Variants in TRIM31 observed in about 807,000 individuals in gnomAD.
TRIM31 encodes E3 ubiquitin-protein ligase TRIM31.
A neutral mutation model predicts 40.6 loss-of-function variants in TRIM31; 31 were observed. The observed-to-expected ratio is 0.76, with a 90% confidence interval of 0.57 to 1.03. TRIM31 has a LOEUF of 1.03. Among genes scored for constraint, TRIM31 ranks in the 50% least tolerant of loss-of-function variants. The probability of loss-of-function intolerance (pLI) is 0.00; values close to 1 mark genes in which losing one functional copy is unlikely to be tolerated. For synonymous variants in TRIM31, 164 were observed against 193.9 expected (o/e 0.85, Z 1.28); for missense variants, 455 against 497.5 (o/e 0.91, Z 0.81).
chr6:30,111,030 C>CTTTTTTTTTTTTTTTTTTT lies in TRIM31; in HGVS notation c.514-371_514-353dup, dbSNP rs9278578. 1.3e-3 allele frequency among the ~76,000 whole-genome samples: 154 copies of CTTTTTTTTTTTTTTTTTTT among 114,282 alleles called. 6 individuals carry two copies. Among genetic ancestry groups the CTTTTTTTTTTTTTTTTTTT allele is most frequent in the South Asian group, 3.7e-3 (12 of 3,220 alleles). The allele number at this position is 114,282 out of a possible 152,430, so 75.0% of individuals were successfully genotyped here. A position where few individuals can be genotyped will look rare whatever the true frequency, so the allele number is the denominator to read the frequency against. On this transcript the variant is annotated intron_variant, in intron 3 of 8. Transcript: ENST00000376734. ...CACAATGTCTTCATTTTCCTTCTGT[C>CTTTTTTTTTTTTTTTTTTT]TTTTTTTTTTTTTTTTTTTGAGACA...
intron 2 of TRIM31, 110 bp from the exon 3 acceptor site, chr6:30,111,853 T>C (rs1769365032): frequency 9.9e-7 from 1 of 1,006,722 alleles, no homozygotes; most frequent in Admixed American, 2.1e-5. Context: ...AGTCCTTGTG[T>C]AATTATTAAG....
At chr6:30,109,196 C>A (rs1582501619) in intron 4 of TRIM31, 148 bp from the exon 5 acceptor site, 1 of 755,784 alleles carries the variant, frequency 1.3e-6, no homozygotes, top group East Asian at 2.6e-5. Context: ...CTCCCCTCTC[C>A]CCACCACGAA....
chr6:30,109,371 G>A (rs1769067640), intron 4 of TRIM31, among the ~76,000 whole-genome samples: 2 of 152,178 alleles, frequency 1.3e-5, no homozygotes, highest in Admixed American at 6.5e-5. Flanking sequence ...GAATGGCTTT[G>A]CATGATCTTT....
intron 5 of TRIM31, 135 bp from the exon 6 acceptor site, chr6:30,108,303 A>T (rs550030182): frequency 1.5e-6 from 1 of 657,528 alleles, no homozygotes; most frequent in Non-Finnish European, 2.7e-6. Flanking sequence ...TCACACCTGT[A>T]ATCCCAGCAC....
intron 7 of TRIM31, 54 bp from the exon 8 acceptor site, chr6:30,104,221 T>A: frequency 6.3e-7 from 1 of 1,583,342 alleles, no homozygotes; most frequent in Admixed American, 1.7e-5. Flanking sequence ...AAGCTGCAAA[T>A]TAAAAACAAA....
At chr6:30,106,909 A>G (rs1768767792) in intron 6 of TRIM31, among the ~76,000 whole-genome samples, 1 of 152,080 alleles carries the variant, frequency 6.6e-6, no homozygotes, top group Admixed American at 6.5e-5. Flanking sequence ...GACCAGCTTG[A>G]CCAACCTGGT....
chr6:30,111,503 C>A, intron 3 of TRIM31, 145 bp downstream of exon 3: 1 of 756,882 alleles, frequency 1.3e-6, no homozygotes, highest in Admixed American at 2.6e-5. Context: ...GAGGTGATGC[C>A]GCCTGGCCGG....
In TRIM31 at chr6:30,112,439, G is replaced by T. The variant is rs368780137; in HGVS notation, c.367C>A (p.His123Asn). The T allele has an allele frequency of 3.7e-6, 6 of 1,612,916 alleles. No homozygotes were observed. In the South Asian group the frequency reaches 4.4e-5, roughly 12 times the overall value. ...LCFVCRESKD[H>N]KSHNVSLIEE... ...ATCAAGCTGACATTATGGGATTTGT[G>T]GTCCTTGGATTCACGACACACAAAA... The change falls in exon 2 of 9, where the codon CAC becomes AAC. Residue 123 changes from histidine to asparagine, a missense_variant. Coordinates refer to ENST00000376734, the MANE Select transcript of TRIM31 (RefSeq NM_007028.5).
chr6:30,109,021 C>A lies in TRIM31; in HGVS notation c.767+5G>T, dbSNP rs370511531. 15 of 1,612,980 alleles carry A rather than the reference C, an allele frequency of 9.3e-6. No homozygotes were observed. The highest frequency in any genetic ancestry group is 8.5e-6 in the Non-Finnish European group (10 of 1,179,990). On this transcript the variant is annotated splice_donor_5th_base_variant and intron_variant, in intron 5 of 8. Coordinates refer to ENST00000376734, the MANE Select transcript of TRIM31 (RefSeq NM_007028.5). ...GCAAAATACATTTGGGGTGGCCCAT[C>A]ATACCTGCACAAGACGACTTTGATA...
chr6:30,111,938 G>C (rs1208796012), intron 2 of TRIM31, 195 bp from the exon 3 acceptor site: 4 of 611,852 alleles, frequency 6.5e-6, no homozygotes, highest in Non-Finnish European at 1.2e-5. Context: ...TGACCTAAAT[G>C]ACCAGAACAT....
At position 30,111,645 on chromosome 6, in the gene TRIM31, T is replaced by C. The variant is rs201869087; in HGVS notation, c.513+3A>G. 5,389 of 1,613,802 alleles carry C rather than the reference T, an allele frequency of 3.3e-3. 22 individuals carry two copies. Among genetic ancestry groups the C allele is most frequent in the Middle Eastern group, 8.9e-3 (54 of 6,062 alleles). On this transcript the variant is annotated splice_donor_region_variant and intron_variant, in intron 3 of 8. Transcript: ENST00000376734. ...AGAGATCGTGGGATGGAGTTTTTCT[T>C]ACCGTGAAGACATCGACCCTGTGTA...
intron 8 of TRIM31, 54 bp from the exon 9 acceptor site, chr6:30,103,843 A>G: frequency 6.2e-7 from 1 of 1,608,052 alleles, no homozygotes; most frequent in Non-Finnish European, 8.5e-7. Flanking sequence ...CTCGGCAGCA[A>G]TCCTCCATTG....
In TRIM31 at chr6:30,103,242, T is replaced by C. The variant is rs964889721; in HGVS notation, c.*294A>G. ...GGGACTGCTGCAGGGACTTCCTTTT[T>C]CCACTAGGCGGCACCACAGCCAAAG... On this transcript the variant is annotated 3_prime_UTR_variant, in exon 9 of 9. Coordinates refer to ENST00000376734, the MANE Select transcript of TRIM31 (RefSeq NM_007028.5). The C allele has an allele frequency of 3.9e-5, 21 of 542,318 alleles. No homozygotes were observed. Among genetic ancestry groups the C allele is most frequent in the Non-Finnish European group, 4.6e-5 (14 of 303,472 alleles). 33.6% of individuals were successfully genotyped at this position (542,318 alleles called of 1,614,324 possible).
In TRIM31 at chr6:30,112,832, C is replaced by A. The variant is rs773044863; in HGVS notation, c.-27G>T. 6.4e-7 allele frequency: 1 copy of A among 1,562,772 alleles called. No homozygotes were observed. The highest frequency in any genetic ancestry group is 1.2e-5 in the South Asian group (1 of 81,260). On this transcript the variant is annotated 5_prime_UTR_variant, in exon 2 of 9. Transcript: ENST00000376734. The stretch of plus-strand genomic sequence containing the variant: ...ACAGAACAACAGGGCTGTTTCAAGA[C>A]TGTAGGAAGCTGTGCCAAGTCTGTA...
At chr6:30,111,620 A>G (rs764121078) in intron 3 of TRIM31, 28 bp downstream of exon 3, 20 of 1,603,166 alleles carry the variant, frequency 1.2e-5, no homozygotes, top group Non-Finnish European at 1.7e-5. Context: ...TTCTGCTTCC[A>G]GAGATCGTGG....
Position 30,110,497 on chromosome 6 carries a change from A to G in TRIM31, c.695T>C (p.Val232Ala). ...EPQLNDLKKL[V>A]DSLKTKQNMP... ...GTTCTGCTTGGTCTTCAGGGAATCA[A>G]CGAGCTTCTTGAGATCGTTCAACTG... is the stretch of plus-strand genomic sequence containing the variant. The change falls in exon 4 of 9, where the codon GTT (valine) becomes GCT (alanine). Residue 232 changes from valine (V) to alanine (A), a missense_variant. Transcript: ENST00000376734. The G allele has an allele frequency of 6.2e-7, 1 of 1,614,130 alleles. No individual in the cohort carries two copies. The highest frequency in any genetic ancestry group is 8.5e-7 in the Non-Finnish European group (1 of 1,180,016).
At chr6:30,104,230 A>C in intron 7 of TRIM31, 63 bp from the exon 8 acceptor site, 1 of 1,518,364 alleles carries the variant, frequency 6.6e-7, no homozygotes, top group South Asian at 1.1e-5. Context: ...ATTAAAAACA[A>C]AAACAAGCAC....
rs1562042125 is a variant in TRIM31 at position 30,108,648 on chromosome 6, C to CA, written c.767+377_767+378insT. On this transcript the variant is annotated intron_variant, in intron 5 of 8. Coordinates refer to ENST00000376734, the MANE Select transcript of TRIM31 (RefSeq NM_007028.5). ...GAAAGTCAGGGCTAGGGATATGGGG[C>CA]GGGAGTGAGGTAGGGCATAGGGAGA... 8.8e-5 allele frequency: 30 copies of CA among 342,478 alleles called. No individual in the cohort carries two copies. The Admixed American group carries it at 1.2e-3, about 14-fold the overall frequency. 21.2% of individuals were successfully genotyped at this position (342,478 alleles called of 1,614,324 possible).
rs1346741503 is a variant in TRIM31, at chr6:30,112,402, G to T, written c.404C>A (p.Ala135Asp). 6.2e-7 allele frequency: 1 copy of T among 1,610,926 alleles called. No homozygotes were observed. Among genetic ancestry groups the T allele is most frequent in the Non-Finnish European group, 8.5e-7 (1 of 1,179,008 alleles). Reference sequence around the variant, plus strand: ...TCAAATGCCTACCTGATAATTCTGGGCAGCTTCTTCGATCAAGCTGACATT... The same window carrying T: ...TCAAATGCCTACCTGATAATTCTGGTCAGCTTCTTCGATCAAGCTGACATT... The part of the protein sequence containing the change: ...SHNVSLIEEA[A>D]QNYQGQIQEQ... Residue 135 changes from alanine (A) to aspartate (D), a missense_variant, in exon 2 of 9, where the codon GCC becomes GAC. Coordinates refer to ENST00000376734, the MANE Select transcript of TRIM31 (RefSeq NM_007028.5).
Sources: allele counts gnomAD v4.1 joint callset (sites outside exome capture counted in the v4.1 genomes callset), GRCh38; gene constraint gnomAD v4.1.1; transcripts MANE v1.5; gene names NCBI Gene and HGNC (gene_info 2026-07-23, HGNC 2026-07-21).